The following PRKAG2 variants were observed in gnomAD, a reference collection of about 807,000 sequenced individuals.
PRKAG2 encodes protein kinase AMP-activated non-catalytic subunit gamma 2.
Under a neutral mutation model 69.6 loss-of-function variants are expected in PRKAG2, and 26 were observed. That is an observed-to-expected ratio of 0.37 (90% CI 0.27 to 0.52). PRKAG2 has a LOEUF of 0.52. Ranked by LOEUF, PRKAG2 falls within the 20% of genes least tolerant of loss-of-function variation. PRKAG2 has a pLI of 0.90. For synonymous variants in PRKAG2, 293 were observed against 285.0 expected (o/e 1.03, Z -0.28); for missense variants, 557 against 740.0 (o/e 0.75, Z 2.87).
intron 5 of PRKAG2, among the ~76,000 whole-genome samples, chr7:151,599,862 C>T (rs373019719): frequency 1.3e-5 from 2 of 152,334 alleles, no homozygotes; most frequent in African/African-American, 2.4e-5. Context: ...GCCTGGCCCC[C>T]GCCTACCTCC....
Position 151,866,526 on chromosome 7 carries a change from A to AC in PRKAG2, c.114+9980dup, listed in dbSNP as rs545728541. On this transcript the variant is annotated intron_variant, in intron 1 of 15. Transcript: ENST00000287878. ...AGCTCAATCTGTTGAAAACCATGCC[A>AC]CCCCAGATGGTATCTGATACAATCA... Among the ~76,000 whole-genome samples, 39 of 152,322 alleles carry AC rather than the reference A, an allele frequency of 2.6e-4. No individual in the cohort carries two copies. In the South Asian group the frequency reaches 7.9e-3, roughly 31 times the overall value.
At chr7:151,575,840 C>CAAA (rs1159373429) in intron 7 of PRKAG2, among the ~76,000 whole-genome samples, 2 of 123,858 alleles carry the variant, frequency 1.6e-5, no homozygotes, top group Non-Finnish European at 3.3e-5. Context: ...TCAACAACAA[C>CAAA]AACAACAAAA....
At chr7:151,735,650 C>G (rs550873043) in intron 3 of PRKAG2, among the ~76,000 whole-genome samples, 1 of 152,210 alleles carries the variant, frequency 6.6e-6, no homozygotes, top group African/African-American at 2.4e-5. Context: ...CCATCACTAG[C>G]CTCCCTGGGC....
At chr7:151,722,229 T>C (rs759297509) in intron 3 of PRKAG2, among the ~76,000 whole-genome samples, 11 of 152,156 alleles carry the variant, frequency 7.2e-5, no homozygotes, top group Non-Finnish European at 1.3e-4. Flanking sequence ...TGCTATCTTA[T>C]AAAAGGGGTT....
At chr7:151,752,432 C>T (rs947938853) in intron 3 of PRKAG2, among the ~76,000 whole-genome samples, 2 of 151,980 alleles carry the variant, frequency 1.3e-5, no homozygotes, top group South Asian at 2.1e-4. Flanking sequence ...GGGAGAGGAA[C>T]GGAAAAGATA....
At chr7:151,635,686 G>C (rs570458464) in intron 4 of PRKAG2, among the ~76,000 whole-genome samples, 2 of 152,234 alleles carry the variant, frequency 1.3e-5, no homozygotes, top group East Asian at 3.9e-4. Flanking sequence ...ATCAGGGGCT[G>C]GGGTAGGGGG....
chr7:151,575,161 G>A (rs1808591371), intron 7 of PRKAG2, among the ~76,000 whole-genome samples: 1 of 152,152 alleles, frequency 6.6e-6, no homozygotes, highest in Admixed American at 6.5e-5. Flanking sequence ...AAACCTGACA[G>A]TAAGTACTAC....
At chr7:151,761,457 C>T (rs2075407713) in intron 3 of PRKAG2, among the ~76,000 whole-genome samples, 2 of 152,122 alleles carry the variant, frequency 1.3e-5, no homozygotes, top group Non-Finnish European at 1.5e-5. Context: ...CCAATTTGAC[C>T]TCACCTGGAC....
chr7:151,558,302 C>G (rs1046157011), intron 15 of PRKAG2: 8 of 985,466 alleles, frequency 8.1e-6, no homozygotes, highest in Non-Finnish European at 9.6e-6. Flanking sequence ...ACAGCAGACA[C>G]TTCATCAAAC....
Position 151,814,468 on chromosome 7 carries a change from C to T in PRKAG2, c.115-27927G>A. The T allele has an allele frequency of 8.1e-7, 1 of 1,230,498 alleles. No homozygotes were observed. The highest frequency in any genetic ancestry group is 1.0e-6 in the Non-Finnish European group (1 of 987,732). The allele number at this position is 1,230,498 out of a possible 1,614,324, so 76.2% of individuals were successfully genotyped here. ...CTCTTCCAGATGCTAATAAGCAGTG[C>T]AGGCTTGTAAGCTGCTGGATGGCAG... On this transcript the variant is annotated intron_variant, in intron 1 of 15. Transcript: ENST00000287878. The surrounding 1 kb of genome is among the most constrained non-coding windows in gnomAD (Gnocchi z 4.8).
chr7:151,578,734 C>A (rs1311384392), intron 6 of PRKAG2, among the ~76,000 whole-genome samples: 3 of 152,186 alleles, frequency 2.0e-5, no homozygotes, highest in African/African-American at 7.2e-5. Context: ...TCCAGAAACT[C>A]ATGAACTGTT....
rs960212775 is a variant in PRKAG2 at position 151,835,344 on chromosome 7, TTTTTTATTA to T, written c.114+41154_114+41162del. On this transcript the variant is annotated intron_variant, in intron 1 of 15. Transcript: ENST00000287878. The surrounding 1 kb of genome is among the most constrained non-coding windows in gnomAD (Gnocchi z 4.1). ...AGTGATCCTCCAGGTAATATTTTTA[TTTTTTATTA>T]TTTTTATTATTTTTAATTTTTTGTA... 5.3e-5 allele frequency among the ~76,000 whole-genome samples: 8 copies of T among 152,080 alleles called. 1 individual carries two copies. The highest frequency in any genetic ancestry group is 1.7e-4 in the African/African-American group (7 of 41,504).
intron 3 of PRKAG2, among the ~76,000 whole-genome samples, 183 bp from the exon 4 acceptor site, chr7:151,675,820 G>T (rs983912819): frequency 1.3e-5 from 2 of 152,124 alleles, no homozygotes; most frequent in Non-Finnish European, 2.9e-5. Context: ...GTGGTCAGAG[G>T]TCCCGCCATG....
chr7:151,669,258 T>A lies in PRKAG2; in HGVS notation c.684+6162A>T, dbSNP rs75445472. Among the ~76,000 whole-genome samples the A allele has an allele frequency of 3.9e-3, 601 of 152,340 alleles. 5 individuals carry two copies. Among genetic ancestry groups the A allele is most frequent in the African/African-American group, 0.013 (561 of 41,564 alleles). On this transcript the variant is annotated intron_variant, in intron 4 of 15. Coordinates refer to ENST00000287878, the MANE Select transcript of PRKAG2 (RefSeq NM_016203.4). ...CTCTCACATCAGGATACTTGAGCTA[T>A]CTACACTAGAGATCACCACTTCTTT...
intron 3 of PRKAG2, among the ~76,000 whole-genome samples, chr7:151,708,979 GC>G (rs1419792790): frequency 6.6e-6 from 1 of 152,194 alleles, no homozygotes; most frequent in African/African-American, 2.4e-5. Context: ...AATACCAGAA[GC>G]AGAGGGGCCG....
intron 14 of PRKAG2, among the ~76,000 whole-genome samples, chr7:151,563,525 A>T (rs1427827708): frequency 2.0e-5 from 3 of 152,236 alleles, no homozygotes; most frequent in African/African-American, 7.2e-5. Context: ...TTCAAATGGA[A>T]CTTAAAGCTT....
chr7:151,791,148 A>G lies in PRKAG2; in HGVS notation c.115-4607T>C, dbSNP rs140235491. ...GGCAGGCTTTGCTGGAAGGCTCCCC[A>G]CCCCCAATCCCACCTCCCAGCAAGT... On this transcript the variant is annotated intron_variant, in intron 1 of 15. Coordinates refer to ENST00000287878, the MANE Select transcript of PRKAG2 (RefSeq NM_016203.4). Among the ~76,000 whole-genome samples, 1,154 of 151,822 alleles carry G rather than the reference A, an allele frequency of 7.6e-3. 12 individuals are homozygous for G. Among genetic ancestry groups the G allele is most frequent in the Admixed American group, 0.023 (347 of 15,242 alleles).
intron 3 of PRKAG2, among the ~76,000 whole-genome samples, chr7:151,682,603 G>A (rs1009487418): frequency 1.3e-5 from 2 of 152,162 alleles, no homozygotes; most frequent in South Asian, 4.1e-4. Flanking sequence ...ACTCAACCTT[G>A]GGTCTGATCA....
In PRKAG2 at chr7:151,685,384, T is replaced by C. The variant is rs577273862; in HGVS notation, c.467-9747A>G. Among the ~76,000 whole-genome samples, 38 of 152,334 alleles carry C rather than the reference T, an allele frequency of 2.5e-4. No individual in the cohort carries two copies. The South Asian group carries it at 5.8e-3, about 23-fold the overall frequency. ...ACAAATATTTCAGCTTCAGCACCCC[T>C]TTACACTCTTGAAAAATAGGGTGTT... On this transcript the variant is annotated intron_variant, in intron 3 of 15. Coordinates refer to ENST00000287878, the MANE Select transcript of PRKAG2 (RefSeq NM_016203.4).
Sources: gnomAD v4.1 joint callset for allele counts (sites outside exome capture counted in the v4.1 genomes callset) on GRCh38, gnomAD v4.1.1 for gene constraint, Gnocchi (gnomAD v3.1) non-coding constraint, MANE v1.5 for transcripts, NCBI Gene and HGNC (gene_info 2026-07-23, HGNC 2026-07-21) for gene names.